The following SSU72 variants were observed in gnomAD, a reference collection of about 807,000 sequenced individuals.
SSU72 encodes RNA polymerase II subunit A C-terminal domain phosphatase SSU72.
SSU72 carries 12 observed loss-of-function variants against 22.7 expected under a neutral mutation model. The ratio of observed to expected loss-of-function variants is 0.53; its 90% CI spans 0.34 to 0.86. SSU72 has a LOEUF of 0.86. Ranked by LOEUF, SSU72 falls within the 40% of genes least tolerant of loss-of-function variation. The probability of loss-of-function intolerance (pLI) is 0.02; values close to 1 mark genes in which losing one functional copy is unlikely to be tolerated. For synonymous variants in SSU72, 116 were observed against 98.3 expected, an observed-to-expected ratio of 1.18 and a Z score of -1.06; for missense variants, 151 against 249.8, an observed-to-expected ratio of 0.60 and a Z score of 2.67.
chr1:1,556,472 T>G lies in SSU72; in HGVS notation c.224+8301A>C, dbSNP rs182625804. 5.9e-5 allele frequency among the ~76,000 whole-genome samples: 9 copies of G among 151,666 alleles called. No homozygotes were observed. The East Asian group carries it at 1.7e-3, about 29-fold the overall frequency. ...AGGAGAATCGCTTGAACCCAGGAAGTGGAGCTTGCAGTGAGCCAAGACCAC... is the reference window on the plus strand; with the variant it reads ...AGGAGAATCGCTTGAACCCAGGAAGGGGAGCTTGCAGTGAGCCAAGACCAC... On this transcript the variant is annotated intron_variant, in intron 2 of 4. Coordinates refer to ENST00000291386, the MANE Select transcript of SSU72 (RefSeq NM_014188.3).
At chr1:1,547,759 G>A (rs1235514883) in intron 2 of SSU72, among the ~76,000 whole-genome samples, 2 of 152,230 alleles carry the variant, frequency 1.3e-5, no homozygotes, top group Admixed American at 6.5e-5. Flanking sequence ...TCGGGCCTGC[G>A]TGCGAGAGCC....
At chr1:1,545,200 G>T in intron 2 of SSU72, 198 bp from the exon 3 acceptor site, 1 of 604,706 alleles carries the variant, frequency 1.7e-6, no homozygotes, top group Non-Finnish European at 2.9e-6. Context: ...AAACAAAGTG[G>T]GCGATGGCAG....
intron 1 of SSU72, 114 bp downstream of exon 1, chr1:1,574,364 G>GCGGCC (rs1642780569): frequency 3.5e-6 from 4 of 1,148,446 alleles, no homozygotes; most frequent in Admixed American, 5.0e-5. Flanking sequence ...ACCCACGAGC[G>GCGGCC]CGGCCCGGCC....
chr1:1,574,352 C>T, intron 1 of SSU72, 126 bp downstream of exon 1: 2 of 1,000,320 alleles, frequency 2.0e-6, no homozygotes, highest in Non-Finnish European at 2.9e-6. Context: ...CCCAACCAGC[C>T]GACCCACGAG....
chr1:1,554,844 G>A lies in SSU72; in HGVS notation c.225-9842C>T, dbSNP rs1195120180. Among the ~76,000 whole-genome samples, 2 of 152,154 alleles carry A rather than the reference G, an allele frequency of 1.3e-5. No homozygotes were observed. The highest frequency in any genetic ancestry group is 4.8e-5 in the African/African-American group (2 of 41,444). ...CCTGGGTTCCCTGCTGCCGGCGCCA[G>A]CCCCACGTACCCCCGACCACCTCAG... On this transcript the variant is annotated intron_variant, in intron 2 of 4. Transcript: ENST00000291386. The surrounding 1 kb of genome is among the most constrained non-coding windows in gnomAD (Gnocchi z 4.1).
At position 1,542,836 on chromosome 1, in the gene SSU72, C is replaced by T. The variant is rs1334864972; in HGVS notation, c.484-669G>A. On this transcript the variant is annotated intron_variant, in intron 4 of 4. Transcript: ENST00000291386. This position sits in a 1 kb window ranked among gnomAD's most constrained non-coding sequence, Gnocchi z 4.4. ...TCTCCTGCCAGGCGATCATGAAGAC[C>T]GTCCCTGGCGCTTCAGCAGCCACAC... Among the ~76,000 whole-genome samples the T allele has an allele frequency of 3.3e-5, 5 of 152,270 alleles. No homozygotes were observed. The highest frequency in any genetic ancestry group is 2.0e-4 in the Admixed American group (3 of 15,290).
Position 1,564,739 on chromosome 1 carries a change from CG to C in SSU72, c.224+33del, listed in dbSNP as rs771418543. 1.4e-5 allele frequency: 22 copies of C among 1,614,052 alleles called. No homozygotes were observed. In the Middle Eastern group the frequency reaches 8.2e-4, roughly 60 times the overall value. ...GTAACACCTTCCAGGGAGGACCACACGGGGGGTTTTTAAAGGGCAACCCGCT... is the reference window on the plus strand; with the variant it reads ...GTAACACCTTCCAGGGAGGACCACACGGGGGTTTTTAAAGGGCAACCCGCT... On this transcript the variant is annotated intron_variant, in intron 2 of 4. Transcript: ENST00000291386.
In SSU72 at chr1:1,542,022, GAAC is replaced by G. The variant is rs768848189; in HGVS notation, c.*41_*43del. The stretch of plus-strand genomic sequence containing the variant: ...ACAAATGTCAGGAAGGAAAAAGTAT[GAAC>G]AACAGGAAGCTCCAGAGGCGGCTCC... On this transcript the variant is annotated 3_prime_UTR_variant, in exon 5 of 5. Coordinates refer to ENST00000291386, the MANE Select transcript of SSU72 (RefSeq NM_014188.3). This position sits in a 1 kb window ranked among gnomAD's most constrained non-coding sequence, Gnocchi z 4.4. 1.1e-5 allele frequency: 17 copies of G among 1,530,902 alleles called. No homozygotes were observed. The highest frequency in any genetic ancestry group is 2.4e-5 in the East Asian group (1 of 41,044). The allele number at this position is 1,530,902 out of a possible 1,614,324, so 94.8% of individuals were successfully genotyped here. A position where few individuals can be genotyped will look rare whatever the true frequency, so the allele number is the denominator to read the frequency against.
chr1:1,544,840 C>G, intron 3 of SSU72, 23 bp downstream of exon 3: 1 of 1,614,076 alleles, frequency 6.2e-7, no homozygotes, highest in South Asian at 1.1e-5. Flanking sequence ...GGAGCCCAGC[C>G]CAGCACGCAG....
chr1:1,552,190 T>C (rs1031649035), intron 2 of SSU72, among the ~76,000 whole-genome samples: 3 of 152,162 alleles, frequency 2.0e-5, no homozygotes, highest in African/African-American at 7.2e-5. Flanking sequence ...CGAAGCCCTC[T>C]GCTTGCTCAA....
chr1:1,573,819 T>C (rs1343665791), intron 1 of SSU72, among the ~76,000 whole-genome samples: 1 of 152,172 alleles, frequency 6.6e-6, no homozygotes, highest in African/African-American at 2.4e-5. Flanking sequence ...GTAAGTCAAG[T>C]GGTCAGTTTC....
Position 1,574,658 on chromosome 1 carries a change from G to T in SSU72, c.-101C>A. On this transcript the variant is annotated 5_prime_UTR_variant, in exon 1 of 5. Coordinates refer to ENST00000291386, the MANE Select transcript of SSU72 (RefSeq NM_014188.3). ...GCGGCCGCGGTGGCCGGAAGCGGGC[G>T]ACGCGAAACGACGGCGCCGGCGGTG... The T allele has an allele frequency of 1.1e-6, 1 of 923,194 alleles. No individual in the cohort carries two copies. Among genetic ancestry groups the T allele is most frequent in the South Asian group, 2.0e-5 (1 of 49,936 alleles). 57.2% of individuals were successfully genotyped at this position (923,194 alleles called of 1,614,324 possible). A position where few individuals can be genotyped will look rare whatever the true frequency, so the allele number is the denominator to read the frequency against.
At chr1:1,553,547 C>G (rs988427593) in intron 2 of SSU72, among the ~76,000 whole-genome samples, 1 of 147,376 alleles carries the variant, frequency 6.8e-6, no homozygotes, top group Admixed American at 7.1e-5. Flanking sequence ...AGGCTGAGGC[C>G]AGCAGATCAT....
Position 1,541,779 on chromosome 1 carries a change from C to A in SSU72, c.*287G>T. ...GGAGGAGGGAGGGAAGGCAGGCACACGAAGACACAGGTATGTCGGGAAGTG... is the reference window on the plus strand; with the variant it reads ...GGAGGAGGGAGGGAAGGCAGGCACAAGAAGACACAGGTATGTCGGGAAGTG... On this transcript the variant is annotated 3_prime_UTR_variant, in exon 5 of 5. Transcript: ENST00000291386. 1 of 412,160 alleles carries A rather than the reference C, an allele frequency of 2.4e-6. No individual in the cohort carries two copies. Among genetic ancestry groups the A allele is most frequent in the Non-Finnish European group, 4.5e-6 (1 of 220,060 alleles). The allele number at this position is 412,160 out of a possible 1,614,324, so 25.5% of individuals were successfully genotyped here. A position where few individuals can be genotyped will look rare whatever the true frequency, so the allele number is the denominator to read the frequency against.
chr1:1,572,886 G>A (rs949536834), intron 1 of SSU72, among the ~76,000 whole-genome samples: 1 of 146,426 alleles, frequency 6.8e-6, no homozygotes, highest in African/African-American at 2.5e-5. Flanking sequence ...TTGGGGGGGG[G>A]GGGGTGAGCC....
chr1:1,555,992 C>T (rs1023820424), intron 2 of SSU72, among the ~76,000 whole-genome samples: 1 of 151,688 alleles, frequency 6.6e-6, no homozygotes, highest in East Asian at 1.9e-4. Flanking sequence ...GAGACCGTCT[C>T]GAAAAAATAA....
chr1:1,574,119 T>C (rs191592486), intron 1 of SSU72, among the ~76,000 whole-genome samples: 2 of 151,970 alleles, frequency 1.3e-5, no homozygotes, highest in East Asian at 3.9e-4. Flanking sequence ...ATGCCGTGAT[T>C]GTGTTGCGCG....
intron 2 of SSU72, among the ~76,000 whole-genome samples, chr1:1,555,547 C>T (rs956938421): frequency 2.0e-5 from 3 of 152,266 alleles, no homozygotes; most frequent in East Asian, 1.9e-4. Context: ...CAAGCGTGGA[C>T]GGCAGCTCCG....
intron 1 of SSU72, among the ~76,000 whole-genome samples, chr1:1,574,021 CAAAA>C (rs71578327): frequency 1.5e-4 from 13 of 87,652 alleles, no homozygotes; most frequent in South Asian, 4.5e-4. Context: ...GGATCTTTCG[CAAAA>C]AAAAAAAAAG....
Sources: allele counts gnomAD v4.1 joint callset (sites outside exome capture counted in the v4.1 genomes callset), GRCh38; gene constraint gnomAD v4.1.1; non-coding constraint Gnocchi (gnomAD v3.1); transcripts MANE v1.5; gene names NCBI Gene and HGNC (gene_info 2026-07-23, HGNC 2026-07-21).